Variants in SMC1B observed in about 807,000 individuals in gnomAD.
SMC1B encodes structural maintenance of chromosomes protein 1B.
A neutral mutation model predicts 157.9 loss-of-function variants in SMC1B; 60 were observed. That is an observed-to-expected ratio of 0.38 (90% CI 0.31 to 0.47). The LOEUF is 0.47. SMC1B is among the 20% of genes least tolerant of loss of function. SMC1B has a pLI of 0.99. For missense variants in SMC1B, 1,165 were observed against 1,426.2 expected (o/e 0.82, Z 2.95); for synonymous variants, 445 against 483.0 (o/e 0.92, Z 1.03).
intron 12 of SMC1B, among the ~76,000 whole-genome samples, chr22:45,378,550 A>C (rs558162882): frequency 6.7e-6 from 1 of 149,070 alleles, no homozygotes; most frequent in East Asian, 2.0e-4. Context: ...ACTGATGAGG[A>C]AACTAAAGCA....
At chr22:45,408,664 A>C in intron 2 of SMC1B, 46 bp downstream of exon 2, 1 of 1,363,702 alleles carries the variant, frequency 7.3e-7, no homozygotes, top group Non-Finnish European at 1.0e-6. Context: ...GGGCAATCTT[A>C]CTTGACTCTT....
intron 21 of SMC1B, among the ~76,000 whole-genome samples, chr22:45,353,282 GAAAGAAAGA>G (rs1569174093): frequency 7.7e-5 from 5 of 64,552 alleles, no homozygotes; most frequent in South Asian, 4.5e-4. Flanking sequence ...AAAAAAGAAA[GAAAGAAAGA>G]AAAAAAAAAA....
intron 16 of SMC1B, 85 bp from the exon 17 acceptor site, chr22:45,362,069 A>C: frequency 7.4e-7 from 1 of 1,348,836 alleles, no homozygotes; most frequent in Non-Finnish European, 1.0e-6. Flanking sequence ...ACACCAAACC[A>C]GTTATCCCGA....
At chr22:45,390,499 A>G (rs779939719) in intron 9 of SMC1B, among the ~76,000 whole-genome samples, 3 of 151,768 alleles carry the variant, frequency 2.0e-5, no homozygotes, top group Non-Finnish European at 4.4e-5. Flanking sequence ...TGGGGTCAAG[A>G]GATCGAGACC....
At chr22:45,351,154 A>G (rs2086611649) in intron 22 of SMC1B, among the ~76,000 whole-genome samples, 1 of 152,040 alleles carries the variant, frequency 6.6e-6, no homozygotes, top group Non-Finnish European at 1.5e-5. Flanking sequence ...TTTTTTCTCT[A>G]TAGAACTTGT....
chr22:45,384,939 T>C (rs1204124961), intron 11 of SMC1B, among the ~76,000 whole-genome samples: 1 of 152,168 alleles, frequency 6.6e-6, no homozygotes. Flanking sequence ...AAATAATCTT[T>C]TCACAAATTT....
chr22:45,403,621 G>A (rs1034205757), intron 4 of SMC1B, among the ~76,000 whole-genome samples: 1 of 151,750 alleles, frequency 6.6e-6, no homozygotes, highest in African/African-American at 2.4e-5. Context: ...ACCAGGCAAA[G>A]TTTTTTATTT....
rs190478653 is a variant in SMC1B, at chr22:45,413,141, G to C, written c.109+318C>G. ...TGGGGTCCCTCAGGGTGTCGGAGGA[G>C]GGTCGGGAGCCAGGAGGTGGAGGGC... On this transcript the variant is annotated intron_variant, in intron 1 of 24. Transcript: ENST00000357450. 3.6e-3 allele frequency among the ~76,000 whole-genome samples: 554 copies of C among 152,132 alleles called. 4 individuals are homozygous for C. The highest frequency in any genetic ancestry group is 0.013 in the African/African-American group (527 of 41,506).
At chr22:45,403,599 G>A (rs1475581129) in intron 4 of SMC1B, among the ~76,000 whole-genome samples, 5 of 152,072 alleles carry the variant, frequency 3.3e-5, no homozygotes, top group East Asian at 3.9e-4. Context: ...AAAGACAGGC[G>A]TGTGCCACCA....
chr22:45,355,253 C>A, intron 19 of SMC1B, 138 bp from the exon 20 acceptor site: 1 of 776,910 alleles, frequency 1.3e-6, no homozygotes, highest in Non-Finnish European at 2.1e-6. Flanking sequence ...CTCTCTGAGC[C>A]TGGAGGTGCA....
chr22:45,392,976 T>C (rs751587167), intron 9 of SMC1B, among the ~76,000 whole-genome samples: 2 of 152,164 alleles, frequency 1.3e-5, no homozygotes, highest in Non-Finnish European at 2.9e-5. Flanking sequence ...GCTAGGATTA[T>C]AGACGTGAGA....
Position 45,393,835 on chromosome 22 carries a change from G to A in SMC1B, c.1344C>T (p.Cys448=), listed in dbSNP as rs368779446. 1.9e-4 allele frequency: 300 copies of A among 1,605,176 alleles called. 1 individual carries two copies. Among genetic ancestry groups the A allele is most frequent in the Non-Finnish European group, 2.4e-4 (287 of 1,175,330 alleles). ...LEEYTKTCMD[C]LKEKKQQEET... is the part of the protein sequence containing the mutation. Reference sequence around the variant, plus strand: ...CCTCTTGCTGTTTTTTCTCTTTCAAGCAATCCCTACAAAATAACAACAAAT... The same window carrying A: ...CCTCTTGCTGTTTTTTCTCTTTCAAACAATCCCTACAAAATAACAACAAAT... Residue 448 remains cysteine, a synonymous_variant, in exon 9 of 25, where the codon TGC becomes TGT. Coordinates refer to ENST00000357450, the MANE Select transcript of SMC1B (RefSeq NM_148674.5).
chr22:45,404,366 C>T (rs935979241), intron 4 of SMC1B, among the ~76,000 whole-genome samples: 2 of 152,180 alleles, frequency 1.3e-5, no homozygotes, highest in Non-Finnish European at 2.9e-5. Flanking sequence ...TTTGCCATAT[C>T]TTGAAATAGC....
rs144821528 is a variant in SMC1B, at chr22:45,390,875, G to A, written c.1546-978C>T. On this transcript the variant is annotated intron_variant, in intron 9 of 24. Coordinates refer to ENST00000357450, the MANE Select transcript of SMC1B (RefSeq NM_148674.5). Reference sequence around the variant, plus strand: ...CTAGAATATTTGAAGGTTTAATTTTGTATCTTTGGACTCTTTCCTCCGTTT... The same window carrying A: ...CTAGAATATTTGAAGGTTTAATTTTATATCTTTGGACTCTTTCCTCCGTTT... 9.9e-3 allele frequency among the ~76,000 whole-genome samples: 1,500 copies of A among 152,222 alleles called. 17 individuals carry two copies. The highest frequency in any genetic ancestry group is 0.013 in the Non-Finnish European group (906 of 68,006).
chr22:45,376,342 A>G (rs879795789), intron 12 of SMC1B, among the ~76,000 whole-genome samples: 1 of 152,172 alleles, frequency 6.6e-6, no homozygotes, highest in African/African-American at 2.4e-5. Flanking sequence ...AGTTTCATCT[A>G]TGTTGTAGCA....
chr22:45,395,977 T>C (rs562346882), intron 7 of SMC1B, among the ~76,000 whole-genome samples: 83 of 152,314 alleles, frequency 5.4e-4, no homozygotes, highest in African/African-American at 2.0e-3. Flanking sequence ...GATTTTAACA[T>C]GTAAAGATGA....
At chr22:45,392,104 G>A (rs963435940) in intron 9 of SMC1B, among the ~76,000 whole-genome samples, 7 of 151,936 alleles carry the variant, frequency 4.6e-5, no homozygotes, top group African/African-American at 1.2e-4. Flanking sequence ...GCACCACCAC[G>A]CCCAGCTAAA....
At chr22:45,373,858 A>G (rs369347765) in intron 12 of SMC1B, among the ~76,000 whole-genome samples, 4 of 152,226 alleles carry the variant, frequency 2.6e-5, no homozygotes, top group African/African-American at 9.6e-5. Context: ...ATACTTGTAG[A>G]CAAACTCATA....
intron 4 of SMC1B, 82 bp from the exon 5 acceptor site, chr22:45,402,653 A>C (rs2087210794): frequency 1.2e-6 from 1 of 864,534 alleles, no homozygotes; most frequent in Non-Finnish European, 1.9e-6. Flanking sequence ...CTATACCAAC[A>C]AATTAACTAA....
Sources: gnomAD v4.1 joint callset for allele counts (sites outside exome capture counted in the v4.1 genomes callset) on GRCh38, gnomAD v4.1.1 for gene constraint, MANE v1.5 for transcripts, NCBI Gene and HGNC (gene_info 2026-07-23, HGNC 2026-07-21) for gene names.